The following ROBO2 variants were observed in gnomAD, a reference collection of about 807,000 sequenced individuals.
The protein encoded by ROBO2 is roundabout homolog 2.
A neutral mutation model predicts 160.8 loss-of-function variants in ROBO2; 53 were observed. The ratio of observed to expected loss-of-function variants is 0.33; its 90% CI spans 0.26 to 0.41. The LOEUF is 0.41. Ranked by LOEUF, ROBO2 falls within the 10% of genes least tolerant of loss-of-function variation. The probability of loss-of-function intolerance (pLI) is 1.00; values close to 1 mark genes in which losing one functional copy is unlikely to be tolerated. For synonymous variants in ROBO2, 664 were observed against 611.7 expected (o/e 1.09, Z -1.26); for missense variants, 1,577 against 1,722.4 (o/e 0.92, Z 1.49).
chr3:76,948,874 TTATATATATATATATATATATA>T (rs71104642), intron 2 of ROBO2, among the ~76,000 whole-genome samples: 7 of 48,616 alleles, frequency 1.4e-4, no homozygotes, highest in African/African-American at 7.5e-4. Flanking sequence ...CCGGCTAATT[TTATATATATATATATATATATA>T]TATATATATA....
intron 2 of ROBO2, among the ~76,000 whole-genome samples, chr3:77,250,438 C>T (rs1283824325): frequency 6.6e-6 from 1 of 152,256 alleles, no homozygotes; most frequent in South Asian, 2.1e-4. Context: ...TATCCAGCCT[C>T]CTTCACACCT....
intron 2 of ROBO2, among the ~76,000 whole-genome samples, chr3:76,355,914 A>C (rs1281368877): frequency 6.6e-6 from 1 of 151,750 alleles, no homozygotes; most frequent in Non-Finnish European, 1.5e-5. Context: ...TATACTTTAG[A>C]TTGATTCACC....
intron 2 of ROBO2, among the ~76,000 whole-genome samples, chr3:76,827,785 C>T (rs1043721871): frequency 1.1e-4 from 16 of 151,904 alleles, no homozygotes; most frequent in Admixed American, 3.3e-4. Flanking sequence ...TTGCCTAGTA[C>T]TTAGTGTAGC....
chr3:76,895,409 C>T (rs1038025742), intron 2 of ROBO2, among the ~76,000 whole-genome samples: 10 of 151,856 alleles, frequency 6.6e-5, no homozygotes, highest in African/African-American at 2.2e-4. Flanking sequence ...TGTTTGCTGT[C>T]ATAAATAAGT....
intron 11 of ROBO2, chr3:77,564,540 A>C (rs1452709296): frequency 2.2e-6 from 1 of 451,016 alleles, no homozygotes; most frequent in East Asian, 6.9e-5. Context: ...TATTGGCATA[A>C]TTTACTCTGT....
At chr3:76,648,142 A>T (rs1239067715) in intron 2 of ROBO2, among the ~76,000 whole-genome samples, 1 of 152,124 alleles carries the variant, frequency 6.6e-6, no homozygotes, top group African/African-American at 2.4e-5. Flanking sequence ...TATTTCTATA[A>T]CACATAGTAA....
At chr3:77,173,600 T>A (rs1280823794) in intron 2 of ROBO2, among the ~76,000 whole-genome samples, 1 of 152,076 alleles carries the variant, frequency 6.6e-6, no homozygotes. Flanking sequence ...AATTTCCTCA[T>A]TTGTAAAATA....
intron 2 of ROBO2, among the ~76,000 whole-genome samples, chr3:77,475,891 G>C (rs1250262595): frequency 2.0e-5 from 3 of 152,016 alleles, no homozygotes; most frequent in African/African-American, 7.2e-5. Flanking sequence ...TAGACAAGGG[G>C]GCCAAAAATA....
intron 2 of ROBO2, chr3:76,433,955 A>G (rs376502794): frequency 1.3e-6 from 1 of 741,592 alleles, no homozygotes; most frequent in Non-Finnish European, 2.5e-6. Context: ...TTCTACTCCA[A>G]TACAATCTAG....
chr3:76,247,154 A>G (rs1002536963), intron 2 of ROBO2, among the ~76,000 whole-genome samples: 1 of 152,130 alleles, frequency 6.6e-6, no homozygotes, highest in Non-Finnish European at 1.5e-5. Flanking sequence ...TTGGAATCAC[A>G]CTTTTCCATT....
chr3:77,281,260 T>G (rs531367463), intron 2 of ROBO2, among the ~76,000 whole-genome samples: 2 of 152,224 alleles, frequency 1.3e-5, no homozygotes, highest in Non-Finnish European at 2.9e-5. Context: ...GTTGTCCAGA[T>G]TAGATTTGCT....
chr3:76,394,260 G>A (rs567174977), intron 2 of ROBO2, among the ~76,000 whole-genome samples: 4 of 152,130 alleles, frequency 2.6e-5, no homozygotes, highest in African/African-American at 9.7e-5. Context: ...TGCAGTGGCT[G>A]GTACCAGTTG....
At position 76,514,045 on chromosome 3, in the gene ROBO2, G is replaced by A. The variant is rs150299773; in HGVS notation, c.109+576443G>A. 2.8e-4 allele frequency among the ~76,000 whole-genome samples: 43 copies of A among 152,120 alleles called. No homozygotes were observed. The East Asian group carries it at 6.8e-3, about 24-fold the overall frequency. ...GTACTTTAATTAGTGTCTTCATTGC[G>A]TATTGTCAGTATGTCACTAAGTCTC... On this transcript the variant is annotated intron_variant, in intron 2 of 26. Coordinates refer to the ROBO2 transcript ENST00000487694.
intron 2 of ROBO2, among the ~76,000 whole-genome samples, chr3:76,471,525 G>T (rs2078654871): frequency 6.6e-6 from 1 of 152,084 alleles, no homozygotes. Flanking sequence ...TGAAGACTGT[G>T]ATTCTTCACA....
chr3:76,327,327 A>G (rs2073111922), intron 2 of ROBO2, among the ~76,000 whole-genome samples: 2 of 152,112 alleles, frequency 1.3e-5, no homozygotes, highest in Non-Finnish European at 2.9e-5. Flanking sequence ...ATATTTGTTC[A>G]TTAGCTATGC....
rs150840738 is a variant in ROBO2, at chr3:77,154,511, C to T, written c.388+56171C>T. Among the ~76,000 whole-genome samples the T allele has an allele frequency of 7.2e-5, 11 of 152,078 alleles. No individual in the cohort carries two copies. The East Asian group carries it at 1.9e-3, about 27-fold the overall frequency. On this transcript the variant is annotated intron_variant, in intron 2 of 25. Transcript: ENST00000461745. Reference sequence around the variant, plus strand: ...AGAATGACCATTCAAACCAACAATCCCATTTCTGGGTATATATCCAAAAGA... The same window carrying T: ...AGAATGACCATTCAAACCAACAATCTCATTTCTGGGTATATATCCAAAAGA...
intron 2 of ROBO2, among the ~76,000 whole-genome samples, chr3:76,265,356 G>A (rs1707034522): frequency 6.6e-6 from 1 of 152,080 alleles, no homozygotes; most frequent in Admixed American, 6.6e-5. Flanking sequence ...TAATATATTT[G>A]TTTCTGTTGA....
At chr3:76,405,761 CAT>C (rs1473800204) in intron 2 of ROBO2, among the ~76,000 whole-genome samples, 2 of 151,728 alleles carry the variant, frequency 1.3e-5, no homozygotes, top group African/African-American at 2.4e-5. Flanking sequence ...GGAAAGCACT[CAT>C]ATAAGTAGCT....
At chr3:77,490,785 T>G (rs1347836263) in intron 4 of ROBO2, among the ~76,000 whole-genome samples, 2 of 152,200 alleles carry the variant, frequency 1.3e-5, no homozygotes, top group Non-Finnish European at 2.9e-5. Context: ...TCCTTGAGTT[T>G]CCTTTTCACC....
Sources: allele counts gnomAD v4.1 joint callset (sites outside exome capture counted in the v4.1 genomes callset), GRCh38; gene constraint gnomAD v4.1.1; transcripts MANE v1.5; gene names NCBI Gene and HGNC (gene_info 2026-07-23, HGNC 2026-07-21).